Variants in COLQ observed in about 807,000 individuals in gnomAD.
COLQ encodes the protein acetylcholinesterase collagenic tail peptide.
COLQ carries 48 observed loss-of-function variants against 69.0 expected under a neutral mutation model. The ratio of observed to expected loss-of-function variants is 0.70; its 90% confidence interval spans 0.55 to 0.88. COLQ has a LOEUF of 0.88. Among genes scored for constraint, COLQ ranks in the 40% least tolerant of loss-of-function variants. The probability of loss-of-function intolerance (pLI) is 0.00; values close to 1 mark genes in which losing one functional copy is unlikely to be tolerated. For missense variants in COLQ, 618 were observed against 594.6 expected, an observed-to-expected ratio of 1.04 and a Z score of -0.41; for synonymous variants, 217 against 211.2, an observed-to-expected ratio of 1.03 and a Z score of -0.24.
intron 5 of COLQ, 76 bp downstream of exon 5, chr3:15,478,901 C>A (rs923384150): frequency 6.4e-7 from 1 of 1,571,480 alleles, no homozygotes; most frequent in African/African-American, 1.4e-5. Context: ...TTGCTGTTCC[C>A]CCCTCCCTAG....
At chr3:15,455,853 C>T (rs1251522192) in intron 15 of COLQ, 46 bp downstream of exon 15, 1 of 1,612,936 alleles carries the variant, frequency 6.2e-7, no homozygotes, top group Non-Finnish European at 8.5e-7. Context: ...AGTCCCACCC[C>T]CCTGCTGTTC....
chr3:15,465,232 T>TTTTA (rs201876301), intron 12 of COLQ, among the ~76,000 whole-genome samples: 33,751 of 141,310 alleles, frequency 0.24, 4,546 homozygotes, highest in African/African-American at 0.3. Context: ...GACTTTATAT[T>TTTTA]TTGATTTATT....
intron 1 of COLQ, among the ~76,000 whole-genome samples, chr3:15,502,018 G>T (rs2062836740): frequency 6.6e-6 from 1 of 151,802 alleles, no homozygotes; most frequent in Non-Finnish European, 1.5e-5. Context: ...CTCACCTCTA[G>T]ATCCAATGGT....
chr3:15,503,464 A>T (rs567523792), intron 1 of COLQ, among the ~76,000 whole-genome samples: 1 of 152,342 alleles, frequency 6.6e-6, no homozygotes, highest in Non-Finnish European at 1.5e-5. Flanking sequence ...CCTGAATGCC[A>T]GAATGGAGGT....
At chr3:15,465,690 T>A (rs2062189967) in intron 12 of COLQ, among the ~76,000 whole-genome samples, 1 of 143,880 alleles carries the variant, frequency 7.0e-6, no homozygotes, top group African/African-American at 2.7e-5. Context: ...GCCTCCCAGG[T>A]TCAAGTGATT....
At chr3:15,463,792 G>A (rs1413179845) in intron 12 of COLQ, among the ~76,000 whole-genome samples, 1 of 152,138 alleles carries the variant, frequency 6.6e-6, no homozygotes, top group Non-Finnish European at 1.5e-5. Flanking sequence ...CCAGAACCAA[G>A]GAGGAAGAGG....
Position 15,466,360 on chromosome 3 carries a change from G to A in COLQ, c.795C>T (p.Pro265=). The A allele has an allele frequency of 6.2e-7, 1 of 1,613,710 alleles. No homozygotes were observed. Among genetic ancestry groups the A allele is most frequent in the Non-Finnish European group, 8.5e-7 (1 of 1,179,706 alleles). The change falls in exon 12 of 17, where the codon CCC becomes CCT. Residue 265 remains proline (P), a synonymous_variant. Coordinates refer to ENST00000383788, the MANE Select transcript of COLQ (RefSeq NM_005677.4). The part of the protein sequence containing the change: ...GPSGQPGRPG[P]PGPPPAGQLI... ...TCTTACCTGCAGGTGGGGGGCCTGG[G>A]GGCCCCGGACGGCCAGGTTGACCAG...
rs116231717 is a variant in COLQ, at chr3:15,451,152, C to T, written c.*492G>A. 7.8e-3 allele frequency: 1,297 copies of T among 166,826 alleles called. 21 individuals carry two copies. The highest frequency in any genetic ancestry group is 0.029 in the African/African-American group (1,225 of 42,054). The allele number at this position is 166,826 out of a possible 1,614,324, so 10.3% of individuals were successfully genotyped here. On this transcript the variant is annotated 3_prime_UTR_variant, in exon 17 of 17. Coordinates refer to ENST00000383788, the MANE Select transcript of COLQ (RefSeq NM_005677.4). ...CCGAGAGAACGTGCCCACTTCCCTG[C>T]TTTGTGGTTCATAGGCCTAGAGAGA...
chr3:15,470,468 G>A (rs2062262466), intron 11 of COLQ, 68 bp downstream of exon 11: 2 of 1,403,512 alleles, frequency 1.4e-6, no homozygotes, highest in Non-Finnish European at 2.0e-6. Flanking sequence ...CCACCTGCCT[G>A]CCACTCCACA....
At chr3:15,468,053 T>C (rs1174394819) in intron 11 of COLQ, 2 of 439,112 alleles carry the variant, frequency 4.6e-6, no homozygotes, top group East Asian at 7.0e-5. Flanking sequence ...CATCTTAATA[T>C]AGCCACAGTT....
chr3:15,477,104 C>G (rs2062391786), intron 6 of COLQ, 22 bp downstream of exon 6: 1 of 1,590,370 alleles, frequency 6.3e-7, no homozygotes, highest in Non-Finnish European at 8.6e-7. Flanking sequence ...CCGCATGAGC[C>G]CTGAGAGCAT....
intron 13 of COLQ, 151 bp downstream of exon 13, chr3:15,458,035 T>G: frequency 1.2e-6 from 1 of 811,854 alleles, no homozygotes; most frequent in Non-Finnish European, 2.1e-6. Flanking sequence ...TCCTCTTGAT[T>G]TTCTCATATT....
intron 1 of COLQ, 75 bp downstream of exon 1, chr3:15,521,445 C>T: frequency 6.3e-7 from 1 of 1,585,390 alleles, no homozygotes; most frequent in South Asian, 1.1e-5. Flanking sequence ...CATCAGGACA[C>T]ATTGCAAAAC....
chr3:15,507,230 C>T (rs1046599980), intron 1 of COLQ, among the ~76,000 whole-genome samples: 1 of 152,232 alleles, frequency 6.6e-6, no homozygotes, highest in Non-Finnish European at 1.5e-5. Context: ...ACTAAATAAC[C>T]TTCCACATGC....
chr3:15,453,872 C>T lies in COLQ; in HGVS notation c.1255G>A (p.Gly419Ser), dbSNP rs769114264. 6.8e-6 allele frequency: 11 copies of T among 1,612,148 alleles called. No homozygotes were observed. Among genetic ancestry groups the T allele is most frequent in the East Asian group, 2.2e-5 (1 of 44,794 alleles). Residue 419 changes from glycine to serine, a missense_variant, in exon 16 of 17, where the codon GGC becomes AGC. Transcript: ENST00000383788. ...CATGTCAGGTAGCCAAAGTCAGAGC[C>T]GTCACAGTCCTCCACACCCTCATGC... is the stretch of plus-strand genomic sequence containing the variant. ...HRHEGVEDCD[G>S]SDFGYLTCET... is the part of the protein sequence containing the mutation.
intron 1 of COLQ, chr3:15,498,621 A>T (rs1368168119): frequency 3.2e-6 from 5 of 1,551,582 alleles, no homozygotes; most frequent in Non-Finnish European, 4.4e-6. Flanking sequence ...CTGGCCAGGG[A>T]ACACTAGCCG....
In COLQ at chr3:15,455,867, C is replaced by T. The variant is rs765261362; in HGVS notation, c.1195+32G>A. 6 of 1,613,724 alleles carry T rather than the reference C, an allele frequency of 3.7e-6. No homozygotes were observed. The Admixed American group carries it at 8.3e-5, about 22-fold the overall frequency. The stretch of plus-strand genomic sequence containing the variant: ...GAGTCCCACCCCCCTGCTGTTCAGG[C>T]CTCAGGTCCTCCTGGTCTGGGCCTC... On this transcript the variant is annotated intron_variant, in intron 15 of 16. Coordinates refer to ENST00000383788, the MANE Select transcript of COLQ (RefSeq NM_005677.4).
rs555846179 is a variant in COLQ, at chr3:15,480,427, C to T, written c.322-1045G>A. ...ATTCCCACCTATGAGTGAGAACATG[C>T]GGTGTTTGGTTTTCTGTCCTTGCGA... On this transcript the variant is annotated intron_variant, in intron 3 of 16. Coordinates refer to ENST00000383788, the MANE Select transcript of COLQ (RefSeq NM_005677.4). Among the ~76,000 whole-genome samples the T allele has an allele frequency of 5.9e-5, 9 of 151,810 alleles. No homozygotes were observed. The South Asian group carries it at 8.3e-4, about 14-fold the overall frequency.
chr3:15,479,412 G>C (rs1205505366), intron 3 of COLQ, 30 bp from the exon 4 acceptor site: 1 of 1,610,500 alleles, frequency 6.2e-7, no homozygotes. Context: ...AGTGAAGAAA[G>C]TATATATCAG....
Sources: allele counts gnomAD v4.1 joint callset (sites outside exome capture counted in the v4.1 genomes callset), GRCh38; gene constraint gnomAD v4.1.1; transcripts MANE v1.5; gene names NCBI Gene and HGNC (gene_info 2026-07-23, HGNC 2026-07-21).